The following SLC4A11 variants were observed in gnomAD, a reference collection of about 807,000 sequenced individuals.
SLC4A11 encodes the protein solute carrier family 4 member 11, also known as bicarbonate transporter related protein 1.
A neutral mutation model predicts 95.0 loss-of-function variants in SLC4A11; 74 were observed. The ratio of observed to expected loss-of-function variants is 0.78; its 90% confidence interval spans 0.65 to 0.95. SLC4A11 has a LOEUF of 0.95. Ranked by LOEUF, SLC4A11 falls within the 40% of genes least tolerant of loss-of-function variation. The pLI is 0.00. For synonymous variants in SLC4A11, 548 were observed against 519.0 expected (o/e 1.06, Z -0.76); for missense variants, 1,081 against 1,192.4 (o/e 0.91, Z 1.38).
Position 3,231,108 on chromosome 20 carries a change from A to C in SLC4A11, c.1042+41T>G. 6.2e-7 allele frequency: 1 copy of C among 1,614,150 alleles called. No homozygotes were observed. The highest frequency in any genetic ancestry group is 1.1e-5 in the South Asian group (1 of 91,086). On this transcript the variant is annotated intron_variant, in intron 9 of 19. Transcript: ENST00000642402. This position sits in a 1 kb window ranked among gnomAD's most constrained non-coding sequence, Gnocchi z 5.2. ...GGTTTGCTGGGGATGCAGGACAGGC[A>C]CACGTGTGGGCCCAAGGCCTGGAAA...
intron 14 of SLC4A11, 28 bp downstream of exon 14, chr20:3,229,496 C>T (rs767021418): frequency 3.7e-5 from 59 of 1,612,530 alleles, no homozygotes; most frequent in Admixed American, 2.8e-4. Context: ...ACCCATGCGG[C>T]CCCTCCCCTC....
At chr20:3,229,999 G>A (rs529827369) in intron 13 of SLC4A11, among the ~76,000 whole-genome samples, 188 bp downstream of exon 13, 13 of 152,282 alleles carry the variant, frequency 8.5e-5, no homozygotes, top group Middle Eastern at 3.4e-3. Context: ...CACCTGGGGC[G>A]GCCCCGTCAC....
rs1049936364 is a variant in SLC4A11 at position 3,234,492 on chromosome 20, G to A, written c.291+76C>T. On this transcript the variant is annotated intron_variant, in intron 4 of 19. Coordinates refer to ENST00000642402, the MANE Select transcript of SLC4A11 (RefSeq NM_001174089.2). The surrounding 1 kb of genome is among the most constrained non-coding windows in gnomAD (Gnocchi z 5.8). ...GAGGCATGGGAAGAGGGGAGCAGCG[G>A]GAGGATTCTCAGGGAAGCCATCACC... 2 of 1,593,744 alleles carry A rather than the reference G, an allele frequency of 1.3e-6. No homozygotes were observed. The highest frequency in any genetic ancestry group is 4.5e-5 in the East Asian group (2 of 44,698).
At chr20:3,236,457 C>T (rs188838625) in intron 2 of SLC4A11, among the ~76,000 whole-genome samples, 231 of 152,156 alleles carry the variant, frequency 1.5e-3, no homozygotes, top group East Asian at 0.011. Context: ...GGTGTGGTGG[C>T]GGGCGCCTGT....
rs1042802674 is a variant in SLC4A11, at chr20:3,231,800, G to A, written c.730-252C>T. On this transcript the variant is annotated intron_variant, in intron 7 of 19. Transcript: ENST00000642402. The surrounding 1 kb of genome is among the most constrained non-coding windows in gnomAD (Gnocchi z 5.2). ...CCTGAGTAGCTGGGACCACAGGCAC[G>A]CACCACCATGCCAGGCAATTTTTAA... 2.0e-5 allele frequency among the ~76,000 whole-genome samples: 3 copies of A among 152,078 alleles called. No homozygotes were observed. The highest frequency in any genetic ancestry group is 1.9e-4 in the East Asian group (1 of 5,186).
chr20:3,234,640 G>A lies in SLC4A11; in HGVS notation c.242-23C>T, dbSNP rs1334435789. 1 of 1,613,868 alleles carries A rather than the reference G, an allele frequency of 6.2e-7. No individual in the cohort carries two copies. Among genetic ancestry groups the A allele is most frequent in the South Asian group, 1.1e-5 (1 of 91,088 alleles). ...TCTCTGCCGGAGAAAAGCGGGGAGG[G>A]CTCAGGGTGCCACCCTCTCCTCAGG... On this transcript the variant is annotated intron_variant, in intron 3 of 19. Coordinates refer to ENST00000642402, the MANE Select transcript of SLC4A11 (RefSeq NM_001174089.2). The surrounding 1 kb of genome is among the most constrained non-coding windows in gnomAD (Gnocchi z 5.8).
chr20:3,227,418 A>T (rs2122482191), downstream of SLC4A11: 4 of 296,824 alleles, frequency 1.3e-5, no homozygotes, highest in South Asian at 1.4e-4. Flanking sequence ...GGTGGCACAT[A>T]GGAGCCTAGA....
chr20:3,232,390 A>C (rs61396958), intron 7 of SLC4A11, among the ~76,000 whole-genome samples: 1 of 152,208 alleles, frequency 6.6e-6, no homozygotes, highest in Non-Finnish European at 1.5e-5. Flanking sequence ...GGCACTGTGC[A>C]TGTTTGCTGT....
chr20:3,233,570 C>G lies in SLC4A11; in HGVS notation c.673G>C (p.Gly225Arg), dbSNP rs368827609. The change falls in exon 7 of 20, where the codon GGG (glycine) becomes CGG (arginine). Residue 225 changes from glycine (G) to arginine (R), a missense_variant. By Grantham distance (125) the Gly-to-Arg change is moderately radical. Coordinates refer to ENST00000642402, the MANE Select transcript of SLC4A11 (RefSeq NM_001174089.2). ...ISRLVRPQNW[G>R]ENSCEVRFVI... is the part of the protein sequence containing the mutation. ...AACCGAACCTCACAGGAATTCTCCC[C>G]CCAGTTCTGTGGGCGAACCAGGCGG... 3 of 1,613,726 alleles carry G rather than the reference C, an allele frequency of 1.9e-6. No individual in the cohort carries two copies. The highest frequency in any genetic ancestry group is 2.5e-6 in the Non-Finnish European group (3 of 1,180,022).
Position 3,234,996 on chromosome 20 carries a change from C to G in SLC4A11, c.89-102G>C. ...GCAGGGACCCCTGGACTGTCCCACT[C>G]TCGGGCCGTGGTGGGAGAGGCCATC... On this transcript the variant is annotated intron_variant, in intron 2 of 19. Coordinates refer to ENST00000642402, the MANE Select transcript of SLC4A11 (RefSeq NM_001174089.2). The surrounding 1 kb of genome is among the most constrained non-coding windows in gnomAD (Gnocchi z 5.8). 3.4e-6 allele frequency: 5 copies of G among 1,469,604 alleles called. No individual in the cohort carries two copies. The highest frequency in any genetic ancestry group is 4.7e-6 in the Non-Finnish European group (5 of 1,058,494). 91.0% of individuals were successfully genotyped at this position (1,469,604 alleles called of 1,614,324 possible).
chr20:3,228,706 T>A lies in SLC4A11; in HGVS notation c.2194A>T (p.Ile732Phe). 1 of 1,612,706 alleles carries A rather than the reference T, an allele frequency of 6.2e-7. No homozygotes were observed. The highest frequency in any genetic ancestry group is 8.5e-7 in the Non-Finnish European group (1 of 1,179,816). Reference protein sequence around the residue: ...RVENGHIYDTIVNVKETRLTS... With the variant: ...RVENGHIYDTFVNVKETRLTS... ...AGCCGCGTCTCCTTCACGTTCACAA[T>A]CCTGCGGTGGCCCGAGCCGCGAGTG... Residue 732 changes from isoleucine (I) to phenylalanine (F), a missense_variant and splice_region_variant, in exon 18 of 20, where the codon ATT (isoleucine) becomes TTT (phenylalanine). Ile to Phe is a conservative substitution (Grantham distance 21, BLOSUM62 0). Transcript: ENST00000642402.
Position 3,237,574 on chromosome 20 carries a change from T to C in SLC4A11, c.58A>G (p.Met20Val), listed in dbSNP as rs1368426300. 6 of 1,613,926 alleles carry C rather than the reference T, an allele frequency of 3.7e-6. No homozygotes were observed. Among genetic ancestry groups the C allele is most frequent in the African/African-American group, 2.7e-5 (2 of 74,896 alleles). ...HLQPCENSPTMSQNGYFEDSS... is the reference protein window; with the variant it reads ...HLQPCENSPTVSQNGYFEDSS... ...TCCTCGAAGTATCCATTCTGCGACATGGTGGGAGAGTTTTCTGCAAGGGAA... is the reference window on the plus strand; with the variant it reads ...TCCTCGAAGTATCCATTCTGCGACACGGTGGGAGAGTTTTCTGCAAGGGAA... The change falls in exon 2 of 20, where the codon ATG (methionine) becomes GTG (valine). Residue 20 changes from methionine to valine, a missense_variant. By Grantham distance (21) the Met-to-Val change is conservative (BLOSUM62 1). Transcript: ENST00000642402.
chr20:3,235,454 G>T (rs746605398), intron 2 of SLC4A11, among the ~76,000 whole-genome samples: 4 of 152,136 alleles, frequency 2.6e-5, no homozygotes, highest in Non-Finnish European at 4.4e-5. Context: ...ATCAGACAAG[G>T]TCTAGGGAGC....
rs750992520 is a variant in SLC4A11, at chr20:3,234,052, G to A, written c.523+31C>T. The A allele has an allele frequency of 4.3e-6, 7 of 1,613,450 alleles. No individual in the cohort carries two copies. Among genetic ancestry groups the A allele is most frequent in the Middle Eastern group, 1.7e-4 (1 of 6,056 alleles). Reference sequence around the variant, plus strand: ...TGGTGGGTCAACAGCCCCTCCCAACGCCCCCGCCCGGGCCGGGAGACCGGC... The same window carrying A: ...TGGTGGGTCAACAGCCCCTCCCAACACCCCCGCCCGGGCCGGGAGACCGGC... On this transcript the variant is annotated intron_variant, in intron 5 of 19. Coordinates refer to ENST00000642402, the MANE Select transcript of SLC4A11 (RefSeq NM_001174089.2). The surrounding 1 kb of genome is among the most constrained non-coding windows in gnomAD (Gnocchi z 5.8).
chr20:3,234,936 C>T lies in SLC4A11; in HGVS notation c.89-42G>A, dbSNP rs41281866. The T allele has an allele frequency of 5.1e-3, 8,207 of 1,612,528 alleles. 25 individuals carry two copies. Among genetic ancestry groups the T allele is most frequent in the Middle Eastern group, 0.014 (84 of 6,062 alleles). On this transcript the variant is annotated intron_variant, in intron 2 of 19. Transcript: ENST00000642402. This position sits in a 1 kb window ranked among gnomAD's most constrained non-coding sequence, Gnocchi z 5.8. ...GCAAGAGGGCCTGGCTGTTAAAGTG[C>T]CACACACAGGAAGGAGGGGCTCCAA...
intron 2 of SLC4A11, 23 bp downstream of exon 2, chr20:3,237,521 C>A (rs371041710): frequency 6.2e-7 from 1 of 1,612,628 alleles, no homozygotes; most frequent in African/African-American, 1.3e-5. Flanking sequence ...TCTGCACACA[C>A]ACACTCCCCG....
At position 3,234,633 on chromosome 20, in the gene SLC4A11, G is replaced by A. The variant is rs760754227; in HGVS notation, c.242-16C>T. 33 of 1,613,754 alleles carry A rather than the reference G, an allele frequency of 2.0e-5. No individual in the cohort carries two copies. In the East Asian group the frequency reaches 2.5e-4, roughly 12 times the overall value. ...GCTTCATTCTCTGCCGGAGAAAAGC[G>A]GGGAGGGCTCAGGGTGCCACCCTCT... On this transcript the variant is annotated splice_polypyrimidine_tract_variant and intron_variant, in intron 3 of 19. Coordinates refer to ENST00000642402, the MANE Select transcript of SLC4A11 (RefSeq NM_001174089.2). The surrounding 1 kb of genome is among the most constrained non-coding windows in gnomAD (Gnocchi z 5.8).
chr20:3,233,579 G>A lies in SLC4A11; in HGVS notation c.664C>T (p.Gln222Ter). 1.2e-6 allele frequency: 2 copies of A among 1,613,788 alleles called. No individual in the cohort carries two copies. The highest frequency in any genetic ancestry group is 1.7e-6 in the Non-Finnish European group (2 of 1,180,010). Residue 222 changes from glutamine to a stop codon, truncating the protein, a stop_gained, in exon 7 of 20, where the codon CAG (glutamine) becomes TAG (stop). Coordinates refer to ENST00000642402, the MANE Select transcript of SLC4A11 (RefSeq NM_001174089.2). LOFTEE classifies it high-confidence loss of function. ...TCACAGGAATTCTCCCCCCAGTTCT[G>A]TGGGCGAACCAGGCGGCTGATGCAC... ...HVCISRLVRP[Q>*]NWGENSCEVR... is the part of the protein sequence containing the mutation.
rs751506234 is a variant in SLC4A11, at chr20:3,230,955, G to A, written c.1146C>T (p.Asp382=). ...LPTIAFGSLN[D]ENTDGAIDVQ... ...CACCGATGGCCCCGTCTGTGTTCTC[G>A]TCATTGAGAGACCCGAAAGCGATGG... is the stretch of plus-strand genomic sequence containing the variant. The change falls in exon 10 of 20, where the codon GAC becomes GAT. Residue 382 remains aspartate, a synonymous_variant. Coordinates refer to ENST00000642402, the MANE Select transcript of SLC4A11 (RefSeq NM_001174089.2). 1.5e-5 allele frequency: 24 copies of A among 1,612,690 alleles called. No individual in the cohort carries two copies. Among genetic ancestry groups the A allele is most frequent in the South Asian group, 6.6e-5 (6 of 91,040 alleles).
Sources: allele counts gnomAD v4.1 joint callset (sites outside exome capture counted in the v4.1 genomes callset), GRCh38; gene constraint gnomAD v4.1.1; non-coding constraint Gnocchi (gnomAD v3.1); transcripts MANE v1.5; gene names NCBI Gene and HGNC (gene_info 2026-07-23, HGNC 2026-07-21).